The following BICRAL variants were observed in gnomAD, a reference collection of about 807,000 sequenced individuals.
BICRAL encodes the protein BRD4-interacting chromatin-remodeling complex-associated protein-like.
BICRAL carries 8 observed loss-of-function variants against 91.8 expected under a neutral mutation model. That is an observed-to-expected ratio of 0.09 (90% confidence interval 0.05 to 0.16). The LOEUF (loss-of-function observed/expected upper bound fraction) is 0.16, where lower values mean the gene tolerates loss of function less well. BICRAL is among the 10% of genes least tolerant of loss of function. The probability of loss-of-function intolerance (pLI) is 1.00; values close to 1 mark genes in which losing one functional copy is unlikely to be tolerated. For missense variants in BICRAL, 1,038 were observed against 1,310.9 expected (o/e 0.79, Z 3.21); for synonymous variants, 445 against 491.1 (o/e 0.91, Z 1.24).
intron 10 of BICRAL, among the ~76,000 whole-genome samples, chr6:42,857,563 C>G (rs2114031171): frequency 6.9e-6 from 1 of 144,774 alleles, no homozygotes; most frequent in African/African-American, 2.7e-5. Context: ...ATAGCCATTG[C>G]ACTCCTGCCT....
chr6:42,796,809 G>A (rs1763423164), intron 1 of BICRAL, among the ~76,000 whole-genome samples: 2 of 152,092 alleles, frequency 1.3e-5, no homozygotes, highest in Non-Finnish European at 2.9e-5. Flanking sequence ...CACTTTGGGA[G>A]GCCAAGGCGG....
At chr6:42,760,407 G>A (rs1212939222) in intron 1 of BICRAL, among the ~76,000 whole-genome samples, 2 of 151,260 alleles carry the variant, frequency 1.3e-5, no homozygotes. Context: ...CATTTCTAGA[G>A]TAAGGGAAAG....
At chr6:42,794,145 G>A (rs999557828) in intron 1 of BICRAL, among the ~76,000 whole-genome samples, 136 of 151,994 alleles carry the variant, frequency 8.9e-4, no homozygotes, top group Middle Eastern at 3.4e-3. Context: ...CTCCCAGATA[G>A]CACGGATTAC....
chr6:42,849,731 G>C (rs913016121), intron 6 of BICRAL, among the ~76,000 whole-genome samples: 2 of 151,288 alleles, frequency 1.3e-5, no homozygotes, highest in Middle Eastern at 3.2e-3. Flanking sequence ...GAGCCACTGC[G>C]CCCGGCCTAG....
chr6:42,760,181 T>C (rs1186155192), intron 1 of BICRAL, among the ~76,000 whole-genome samples: 1 of 150,226 alleles, frequency 6.7e-6, no homozygotes, highest in Admixed American at 6.7e-5. Context: ...GAGGCGGAGG[T>C]TGCGGTGAGC....
At chr6:42,800,591 C>T (rs1351297525) in intron 1 of BICRAL, among the ~76,000 whole-genome samples, 1 of 151,694 alleles carries the variant, frequency 6.6e-6, no homozygotes, top group African/African-American at 2.4e-5. Context: ...GCTTCATCGC[C>T]CAGGCTAGAG....
intron 1 of BICRAL, among the ~76,000 whole-genome samples, chr6:42,802,427 TTTTG>T (rs1026572518): frequency 1.5e-5 from 2 of 132,670 alleles, no homozygotes; most frequent in African/African-American, 5.8e-5. Context: ...TCGTGTTTTT[TTTTG>T]TTGTTGTTGT....
In BICRAL at chr6:42,830,336, C is replaced by CT. The variant is rs1350155717; in HGVS notation, c.1839+165dup. The CT allele has an allele frequency of 4.3e-6, 3 of 697,380 alleles. No individual in the cohort carries two copies. In the African/African-American group the frequency reaches 5.4e-5, roughly 13 times the overall value. 43.2% of individuals were successfully genotyped at this position (697,380 alleles called of 1,614,324 possible). On this transcript the variant is annotated intron_variant, in intron 6 of 12. Transcript: ENST00000314073. ...ATCCCAACACTTTGGGAGGCCAAGG[C>CT]TGGAGGATCACTTGAACCCAGGAGT...
chr6:42,859,057 A>G (rs985272025), intron 10 of BICRAL, among the ~76,000 whole-genome samples: 2 of 151,948 alleles, frequency 1.3e-5, no homozygotes, highest in African/African-American at 4.8e-5. Context: ...GGGCTTCCCT[A>G]GGACACCAAG....
chr6:42,837,745 C>A (rs193109122), intron 6 of BICRAL, among the ~76,000 whole-genome samples: 17 of 150,566 alleles, frequency 1.1e-4, no homozygotes, highest in East Asian at 3.9e-4. Flanking sequence ...GAGCAAGACT[C>A]CATCTCAAAA....
intron 12 of BICRAL, 123 bp downstream of exon 12, chr6:42,862,735 G>A: frequency 1.5e-6 from 1 of 677,572 alleles, no homozygotes; most frequent in Non-Finnish European, 2.7e-6. Flanking sequence ...ATTCTGGGGA[G>A]AGCTGGGCAC....
chr6:42,858,367 T>C (rs2114034846), intron 10 of BICRAL, among the ~76,000 whole-genome samples: 1 of 148,726 alleles, frequency 6.7e-6, no homozygotes, highest in East Asian at 2.0e-4. Context: ...AATACAAAAA[T>C]TAGCTGGGCG....
chr6:42,802,428 TTTGTTGTTGTTGTTG>T (rs1554277645), intron 1 of BICRAL, among the ~76,000 whole-genome samples: 2 of 103,938 alleles, frequency 1.9e-5, no homozygotes, highest in African/African-American at 2.8e-5. Flanking sequence ...CGTGTTTTTT[TTTGTTGTTGTTGTTG>T]TTGTTGTTGT....
chr6:42,810,420 T>C lies in BICRAL; in HGVS notation c.-6+19T>C, dbSNP rs1247674906. On this transcript the variant is annotated intron_variant, in intron 2 of 12. Coordinates refer to ENST00000314073, the MANE Select transcript of BICRAL (RefSeq NM_001393499.1). ...TGCAATGGTAATGAATTGTTGCATG[T>C]CTGTCTTCCAAAAGAAAGTGAGTTC... 3 of 152,240 alleles carry C rather than the reference T, an allele frequency of 2.0e-5. No homozygotes were observed. The highest frequency in any genetic ancestry group is 2.0e-4 in the Admixed American group (3 of 15,272). The allele number at this position is 152,240 out of a possible 1,614,324, so 9.4% of individuals were successfully genotyped here.
intron 1 of BICRAL, among the ~76,000 whole-genome samples, chr6:42,753,051 C>T (rs553578607): frequency 8.6e-5 from 13 of 151,138 alleles, no homozygotes; most frequent in African/African-American, 2.4e-4. Context: ...CTCAGCCTGC[C>T]GAGTAGCTGG....
intron 1 of BICRAL, among the ~76,000 whole-genome samples, chr6:42,791,000 C>T (rs1763256597): frequency 6.6e-6 from 1 of 151,930 alleles, no homozygotes. Flanking sequence ...TGGTGCCTGG[C>T]TACAAGCAGA....
chr6:42,800,977 G>A (rs551287938), intron 1 of BICRAL, among the ~76,000 whole-genome samples: 72 of 152,210 alleles, frequency 4.7e-4, no homozygotes, highest in South Asian at 1.0e-3. Flanking sequence ...ATACGGCCAG[G>A]CACAGTGACT....
chr6:42,798,113 T>C (rs964047931), intron 1 of BICRAL, among the ~76,000 whole-genome samples: 1 of 151,976 alleles, frequency 6.6e-6, no homozygotes, highest in Non-Finnish European at 1.5e-5. Context: ...CCACATGTTC[T>C]CACTAATAAG....
chr6:42,782,448 G>T (rs1444012942), intron 1 of BICRAL, among the ~76,000 whole-genome samples: 1 of 149,450 alleles, frequency 6.7e-6, no homozygotes, highest in African/African-American at 2.5e-5. Context: ...AGCGCTGCCG[G>T]GGCCCCGGGA....
Sources: allele counts gnomAD v4.1 joint callset (sites outside exome capture counted in the v4.1 genomes callset), GRCh38; gene constraint gnomAD v4.1.1; transcripts MANE v1.5; gene names NCBI Gene and HGNC (gene_info 2026-07-23, HGNC 2026-07-21).